Variants in SNTG1 observed in about 807,000 individuals in gnomAD.
SNTG1 encodes syntrophin gamma 1, also known as gamma-1-syntrophin.
A neutral mutation model predicts 74.7 loss-of-function variants in SNTG1; 39 were observed. The ratio of observed to expected loss-of-function variants is 0.52; its 90% CI spans 0.40 to 0.68. The LOEUF (loss-of-function observed/expected upper bound fraction) is 0.68, where lower values mean the gene tolerates loss of function less well. Among genes scored for constraint, SNTG1 ranks in the 30% least tolerant of loss-of-function variants. The pLI, the probability that SNTG1 is intolerant of heterozygous loss-of-function variation, is 0.00. For synonymous variants in SNTG1, 254 were observed against 217.1 expected (o/e 1.17, Z -1.49); for missense variants, 685 against 609.5 (o/e 1.12, Z -1.30).
chr8:49,920,802 G>T (rs188905078), intron 1 of SNTG1, among the ~76,000 whole-genome samples: 19 of 152,206 alleles, frequency 1.2e-4, no homozygotes, highest in Non-Finnish European at 2.1e-4. Flanking sequence ...GACTTGAGAT[G>T]ATGAGAGCTG....
At chr8:50,128,469 T>C (rs1282927509) in intron 1 of SNTG1, among the ~76,000 whole-genome samples, 2 of 152,144 alleles carry the variant, frequency 1.3e-5, no homozygotes. Flanking sequence ...GCAAAGATGC[T>C]AAAATTTGTA....
intron 12 of SNTG1, among the ~76,000 whole-genome samples, chr8:50,574,417 A>C (rs1270784110): frequency 6.6e-6 from 1 of 152,118 alleles, no homozygotes; most frequent in African/African-American, 2.4e-5. Flanking sequence ...CGTGTGCCTT[A>C]ATTATATTTT....
chr8:50,596,179 A>C (rs1292323511), intron 13 of SNTG1, among the ~76,000 whole-genome samples: 1 of 151,950 alleles, frequency 6.6e-6, no homozygotes. Context: ...GTTAAATTTT[A>C]ATTTACATTT....
chr8:50,478,815 CATATATTT>C (rs879624141), intron 8 of SNTG1, among the ~76,000 whole-genome samples: 3 of 152,030 alleles, frequency 2.0e-5, no homozygotes, highest in Non-Finnish European at 4.4e-5. Flanking sequence ...ACTGGAGTTC[CATATATTT>C]ATTGAATAAT....
intron 15 of SNTG1, among the ~76,000 whole-genome samples, chr8:50,694,467 C>T (rs924266581): frequency 2.6e-5 from 4 of 152,136 alleles, no homozygotes; most frequent in East Asian, 3.9e-4. Flanking sequence ...CAGAGAAAAT[C>T]CCAAGGCCTG....
intron 15 of SNTG1, among the ~76,000 whole-genome samples, chr8:50,699,235 G>C (rs1010050750): frequency 6.6e-6 from 1 of 151,938 alleles, no homozygotes; most frequent in South Asian, 2.1e-4. Flanking sequence ...GTCTGGGTAG[G>C]CAATGAGATA....
chr8:50,515,204 C>A (rs1189008472), intron 9 of SNTG1, among the ~76,000 whole-genome samples: 1 of 151,700 alleles, frequency 6.6e-6, no homozygotes, highest in South Asian at 2.1e-4. Context: ...GGGAATATAG[C>A]AATAAAACAA....
At chr8:50,555,827 G>A (rs775416116) in intron 12 of SNTG1, among the ~76,000 whole-genome samples, 2 of 152,082 alleles carry the variant, frequency 1.3e-5, no homozygotes, top group African/African-American at 2.4e-5. Context: ...ACATACATAT[G>A]TATATAAACT....
intron 1 of SNTG1, among the ~76,000 whole-genome samples, chr8:50,149,012 C>T (rs531076760): frequency 1.3e-5 from 2 of 152,198 alleles, no homozygotes; most frequent in Non-Finnish European, 2.9e-5. Flanking sequence ...TACAGTCCCA[C>T]CAACAGTGTA....
intron 1 of SNTG1, among the ~76,000 whole-genome samples, chr8:50,154,932 G>A (rs1299230798): frequency 6.6e-6 from 1 of 152,182 alleles, no homozygotes; most frequent in Non-Finnish European, 1.5e-5. Context: ...ATGTTAACCT[G>A]TTAATGGTTA....
chr8:50,092,593 A>C (rs2079779927), intron 1 of SNTG1, among the ~76,000 whole-genome samples: 1 of 152,098 alleles, frequency 6.6e-6, no homozygotes, highest in Admixed American at 6.6e-5. Context: ...TACTTAGGAC[A>C]CTTCCACCCC....
At chr8:50,067,406 G>A (rs1027991837) in intron 1 of SNTG1, among the ~76,000 whole-genome samples, 7 of 152,088 alleles carry the variant, frequency 4.6e-5, no homozygotes, top group East Asian at 1.9e-4. Flanking sequence ...AAGATTAGTC[G>A]AAATACAATT....
At chr8:50,470,504 C>G (rs555276707) in intron 8 of SNTG1, among the ~76,000 whole-genome samples, 130 of 151,960 alleles carry the variant, frequency 8.6e-4, no homozygotes, top group African/African-American at 3.0e-3. Flanking sequence ...GGAGTGAAGC[C>G]GCAGACCTTC....
At chr8:50,473,110 C>T (rs2093666609) in intron 8 of SNTG1, among the ~76,000 whole-genome samples, 1 of 152,124 alleles carries the variant, frequency 6.6e-6, no homozygotes, top group African/African-American at 2.4e-5. Context: ...CCCACGTTCC[C>T]CAAGTGTCAA....
At chr8:50,431,514 T>A (rs750324793) in intron 4 of SNTG1, among the ~76,000 whole-genome samples, 2 of 152,234 alleles carry the variant, frequency 1.3e-5, no homozygotes, top group Non-Finnish European at 2.9e-5. Context: ...AATATCTGCA[T>A]GCAGATTTTT....
chr8:50,658,411 A>G (rs1165578968), intron 14 of SNTG1, among the ~76,000 whole-genome samples, 181 bp from the exon 15 acceptor site: 1 of 152,194 alleles, frequency 6.6e-6, no homozygotes, highest in African/African-American at 2.4e-5. Flanking sequence ...AATGGTAACA[A>G]AGCTTGGAAA....
intron 4 of SNTG1, among the ~76,000 whole-genome samples, chr8:50,428,130 A>G (rs1023402026): frequency 3.9e-5 from 6 of 152,168 alleles, no homozygotes; most frequent in African/African-American, 1.4e-4. Flanking sequence ...CCTAGACAAC[A>G]TAAACTACAT....
intron 1 of SNTG1, among the ~76,000 whole-genome samples, chr8:50,099,763 C>A (rs2080055997): frequency 6.6e-6 from 1 of 152,026 alleles, no homozygotes; most frequent in South Asian, 2.1e-4. Flanking sequence ...TCTCATAAAT[C>A]TGTTGGTTAT....
At chr8:50,337,503 C>G (rs988381990) in intron 2 of SNTG1, among the ~76,000 whole-genome samples, 2 of 152,188 alleles carry the variant, frequency 1.3e-5, no homozygotes, top group African/African-American at 4.8e-5. Context: ...AGAAAAGCAA[C>G]CATGTTTAAA....
Sources: gnomAD v4.1 joint callset for allele counts (sites outside exome capture counted in the v4.1 genomes callset) on GRCh38, gnomAD v4.1.1 for gene constraint, MANE v1.5 for transcripts, NCBI Gene and HGNC (gene_info 2026-07-23, HGNC 2026-07-21) for gene names.